GABRB2: variants seen among roughly 807,000 people sequenced by gnomAD.
GABRB2 encodes gamma-aminobutyric acid type A receptor subunit beta2, also known as gamma-aminobutyric acid receptor subunit beta-2.
GABRB2 carries 16 observed loss-of-function variants against 54.7 expected under a neutral mutation model. That is an observed-to-expected ratio of 0.29 (90% CI 0.20 to 0.44). The LOEUF (loss-of-function observed/expected upper bound fraction) is 0.44. Ranked by LOEUF, GABRB2 falls within the 20% of genes least tolerant of loss-of-function variation. The probability of loss-of-function intolerance (pLI) is 1.00; values close to 1 mark genes in which losing one functional copy is unlikely to be tolerated. For synonymous variants in GABRB2, 244 were observed against 233.8 expected, an observed-to-expected ratio of 1.04 and a Z score of -0.40; for missense variants, 355 against 644.0, an observed-to-expected ratio of 0.55 and a Z score of 4.86.
chr5:161,330,731 T>C (rs41298404), intron 8 of GABRB2, 152 bp downstream of exon 8: 738 of 1,086,140 alleles, frequency 6.8e-4, no homozygotes, highest in Non-Finnish European at 9.0e-4. Flanking sequence ...TAATTGTGCT[T>C]CCATCATTAA....
chr5:161,327,484 CT>C (rs1181726502), intron 8 of GABRB2, among the ~76,000 whole-genome samples: 1 of 151,964 alleles, frequency 6.6e-6, no homozygotes, highest in Admixed American at 6.6e-5. Flanking sequence ...GCTATGTGAC[CT>C]TGGCTATTTC....
At chr5:161,309,047 C>T (rs1472003385) in intron 9 of GABRB2, among the ~76,000 whole-genome samples, 1 of 151,932 alleles carries the variant, frequency 6.6e-6, no homozygotes, top group African/African-American at 2.4e-5. Flanking sequence ...GCACGGCAAA[C>T]AAAACTATCA....
intron 4 of GABRB2, among the ~76,000 whole-genome samples, chr5:161,438,155 G>T (rs190333855): frequency 6.6e-6 from 1 of 152,268 alleles, no homozygotes; most frequent in Admixed American, 6.5e-5. Context: ...TGGCAACAGG[G>T]GTGCTTGTAT....
intron 3 of GABRB2, among the ~76,000 whole-genome samples, chr5:161,531,732 TA>T (rs1187170608): frequency 9.4e-5 from 14 of 148,454 alleles, no homozygotes; most frequent in Admixed American, 6.7e-4. Context: ...TATGAGAAAT[TA>T]AAAAAAAAAC....
intron 5 of GABRB2, among the ~76,000 whole-genome samples, chr5:161,343,702 A>G (rs1561615646): frequency 1.3e-5 from 2 of 152,118 alleles, no homozygotes. Context: ...TATAGCAGCT[A>G]TCAACTATAG....
intron 9 of GABRB2, among the ~76,000 whole-genome samples, chr5:161,314,899 G>A (rs1757978555): frequency 6.6e-6 from 1 of 152,164 alleles, no homozygotes; most frequent in South Asian, 2.1e-4. Context: ...AATAATATAT[G>A]TAAGTCTCAT....
chr5:161,305,453 G>A (rs1387546590), intron 9 of GABRB2, among the ~76,000 whole-genome samples: 1 of 152,164 alleles, frequency 6.6e-6, no homozygotes. Flanking sequence ...TTTTTGACAA[G>A]TTTCAGGGAG....
intron 3 of GABRB2, among the ~76,000 whole-genome samples, chr5:161,507,625 A>G (rs1416551189): frequency 6.6e-6 from 1 of 152,052 alleles, no homozygotes; most frequent in Non-Finnish European, 1.5e-5. Flanking sequence ...CTATACCCAC[A>G]ATGTATACAC....
At chr5:161,317,672 TA>T (rs1223742386) in intron 9 of GABRB2, among the ~76,000 whole-genome samples, 2 of 152,066 alleles carry the variant, frequency 1.3e-5, no homozygotes, top group Admixed American at 6.6e-5. Context: ...ATTTAAAAAT[TA>T]AAAACTTGTC....
intron 5 of GABRB2, among the ~76,000 whole-genome samples, chr5:161,346,699 A>AGC (rs1425277736): frequency 6.6e-6 from 1 of 152,130 alleles, no homozygotes; most frequent in African/African-American, 2.4e-5. Flanking sequence ...ATGTACTGTT[A>AGC]GCGTGTATCT....
At chr5:161,309,780 G>A (rs369832419) in intron 9 of GABRB2, among the ~76,000 whole-genome samples, 390 of 150,652 alleles carry the variant, frequency 2.6e-3, no homozygotes, top group African/African-American at 8.6e-3. Context: ...ACAGGCGCCC[G>A]CCACTATGCC....
intron 8 of GABRB2, among the ~76,000 whole-genome samples, chr5:161,327,862 A>G (rs1046305006): frequency 1.3e-5 from 2 of 151,360 alleles, no homozygotes; most frequent in Non-Finnish European, 2.9e-5. Flanking sequence ...AAAAAAAAAA[A>G]TAACTATAGA....
Position 161,545,314 on chromosome 5 carries a change from G to A in GABRB2, c.170-20C>T. 1 of 1,580,146 alleles carries A rather than the reference G, an allele frequency of 6.3e-7. No individual in the cohort carries two copies. Among genetic ancestry groups the A allele is most frequent in the Non-Finnish European group, 8.6e-7 (1 of 1,164,270 alleles). ...GGGGACCTGCAAAGCAAGACGGCCA[G>A]CCACGTGATTTCTTTGAACTTCATT... On this transcript the variant is annotated intron_variant, in intron 2 of 9. Coordinates refer to ENST00000393959, the MANE Select transcript of GABRB2 (RefSeq NM_001371727.1).
At chr5:161,334,954 A>G (rs2113405280) in intron 6 of GABRB2, 50 bp from the exon 7 acceptor site, 1 of 1,578,672 alleles carries the variant, frequency 6.3e-7, no homozygotes, top group East Asian at 2.2e-5. Flanking sequence ...TATTTATAGG[A>G]TACTTTTCTT....
chr5:161,510,456 T>C (rs964683536), intron 3 of GABRB2, among the ~76,000 whole-genome samples: 1 of 151,966 alleles, frequency 6.6e-6, no homozygotes, highest in Non-Finnish European at 1.5e-5. Context: ...TATGGCCAAA[T>C]AGTACTACAT....
At chr5:161,301,096 G>T (rs142605572) in intron 9 of GABRB2, among the ~76,000 whole-genome samples, 1 of 152,084 alleles carries the variant, frequency 6.6e-6, no homozygotes, top group Admixed American at 6.6e-5. Flanking sequence ...CAATTGGCCC[G>T]GAGTTACACA....
At chr5:161,463,787 A>G (rs1758199235) in intron 3 of GABRB2, among the ~76,000 whole-genome samples, 1 of 150,974 alleles carries the variant, frequency 6.6e-6, no homozygotes, top group African/African-American at 2.4e-5. Context: ...CAATATGTTC[A>G]ATTGATTTCT....
chr5:161,416,676 G>A (rs1348772271), intron 4 of GABRB2, among the ~76,000 whole-genome samples: 4 of 50,546 alleles, frequency 7.9e-5, no homozygotes, highest in African/African-American at 1.9e-4. Flanking sequence ...CAGCCTGGGC[G>A]GCAGAGCCAG....
chr5:161,408,243 A>G (rs1301313721), intron 5 of GABRB2, among the ~76,000 whole-genome samples: 1 of 152,040 alleles, frequency 6.6e-6, no homozygotes, highest in African/African-American at 2.4e-5. Flanking sequence ...GGGAGGCTCA[A>G]CTGCTAAGTA....
Sources: gnomAD v4.1 joint callset for allele counts (sites outside exome capture counted in the v4.1 genomes callset) on GRCh38, gnomAD v4.1.1 for gene constraint, MANE v1.5 for transcripts, NCBI Gene and HGNC (gene_info 2026-07-23, HGNC 2026-07-21) for gene names.